Variants in ABL2 observed in about 807,000 individuals in gnomAD.
The protein encoded by ABL2 is tyrosine-protein kinase ABL2.
In ABL2, 49 loss-of-function variants were observed where a neutral mutation model predicts 107.7. That is an observed-to-expected ratio of 0.45 (90% CI 0.36 to 0.58). ABL2 has a LOEUF of 0.58. Ranked by LOEUF, ABL2 falls within the 20% of genes least tolerant of loss-of-function variation. The pLI is 0.00. For missense variants in ABL2, 1,245 were observed against 1,457.0 expected (o/e 0.85, Z 2.37); for synonymous variants, 549 against 548.6 (o/e 1.00, Z -0.01).
chr1:179,210,230 G>A (rs1662188714), intron 1 of ABL2, among the ~76,000 whole-genome samples: 1 of 152,196 alleles, frequency 6.6e-6, no homozygotes, highest in Admixed American at 6.5e-5. Context: ...CACCGGCCAG[G>A]TGCGGTGGCT....
At position 179,117,450 on chromosome 1, in the gene ABL2, T is replaced by A; in HGVS notation, c.1290A>T (p.Leu430Phe). Residue 430 changes from leucine to phenylalanine, a missense_variant, in exon 8 of 12, where the codon TTA becomes TTT. Coordinates refer to ENST00000502732, the MANE Select transcript of ABL2 (RefSeq NM_007314.4). ...NHVVKVADFG[L>F]SRLMTGDTYT... Reference sequence around the variant, plus strand: ...AAGTGTCTCCAGTCATCAATCTACTTAAGCCAAAGTCAGCCACTTTTACCA... The same window carrying A: ...AAGTGTCTCCAGTCATCAATCTACTAAAGCCAAAGTCAGCCACTTTTACCA... 6.2e-7 allele frequency: 1 copy of A among 1,614,192 alleles called. No homozygotes were observed.
In ABL2 at chr1:179,101,916, T is replaced by C. The variant is rs1653121109; in HGVS notation, c.*5802A>G. On this transcript the variant is annotated 3_prime_UTR_variant, in exon 12 of 12. Coordinates refer to ENST00000502732, the MANE Select transcript of ABL2 (RefSeq NM_007314.4). ...AAGTTCAAGTGAACTACAGTTGTGC[T>C]GAACAGAGCAAGTAACAATAACTAT... The C allele has an allele frequency of 5.7e-6, 1 of 176,574 alleles. No homozygotes were observed. Among genetic ancestry groups the C allele is most frequent in the Admixed American group, 6.6e-5 (1 of 15,212 alleles). 10.9% of individuals were successfully genotyped at this position (176,574 alleles called of 1,614,324 possible). A position where few individuals can be genotyped will look rare whatever the true frequency, so the allele number is the denominator to read the frequency against.
intron 1 of ABL2, among the ~76,000 whole-genome samples, chr1:179,149,317 T>G (rs963875034): frequency 6.6e-6 from 1 of 152,160 alleles, no homozygotes; most frequent in Non-Finnish European, 1.5e-5. Flanking sequence ...AGAAGAAAAG[T>G]TTGAAGGTAG....
At chr1:179,112,197 CAG>C (rs908844994) in intron 10 of ABL2, 110 bp downstream of exon 10, 6 of 859,294 alleles carry the variant, frequency 7.0e-6, no homozygotes, top group Non-Finnish European at 1.1e-5. Context: ...AAAGTTGAAA[CAG>C]AGTCTCAAAC....
chr1:179,133,516 A>G, intron 1 of ABL2, 142 bp from the exon 2 acceptor site: 4 of 1,307,130 alleles, frequency 3.1e-6, no homozygotes, highest in Non-Finnish European at 4.3e-6. Context: ...GCCTCTCCCT[A>G]CTCCATACCT....
intron 1 of ABL2, among the ~76,000 whole-genome samples, chr1:179,163,722 G>A (rs1287459314): frequency 6.6e-6 from 1 of 151,974 alleles, no homozygotes; most frequent in Non-Finnish European, 1.5e-5. Flanking sequence ...ACTCCAGTCT[G>A]GATGACAGAG....
At chr1:179,226,555 C>T (rs1663223771) in intron 1 of ABL2, among the ~76,000 whole-genome samples, 1 of 152,064 alleles carries the variant, frequency 6.6e-6, no homozygotes, top group Non-Finnish European at 1.5e-5. Flanking sequence ...GATCTGCCCA[C>T]CTCGGCCTCC....
At chr1:179,193,339 C>A (rs890250221) in intron 1 of ABL2, among the ~76,000 whole-genome samples, 1 of 151,620 alleles carries the variant, frequency 6.6e-6, no homozygotes, top group Non-Finnish European at 1.5e-5. Flanking sequence ...AAATCAGTAA[C>A]TCAAACCAGC....
chr1:179,223,306 C>G (rs1662986428), intron 1 of ABL2, among the ~76,000 whole-genome samples: 1 of 151,452 alleles, frequency 6.6e-6, no homozygotes, highest in Non-Finnish European at 1.5e-5. Flanking sequence ...GTCCCAGCTA[C>G]CCAGAAGGCT....
At chr1:179,167,590 GA>G (rs1659465695) in intron 1 of ABL2, among the ~76,000 whole-genome samples, 1 of 152,142 alleles carries the variant, frequency 6.6e-6, no homozygotes, top group Non-Finnish European at 1.5e-5. Flanking sequence ...CCAACACATA[GA>G]AATGATAAAT....
At position 179,176,702 on chromosome 1, in the gene ABL2, C is replaced by CTTTTTTT. The variant is rs35138436; in HGVS notation, c.158-43335_158-43329dup. 6.6e-4 allele frequency among the ~76,000 whole-genome samples: 71 copies of CTTTTTTT among 107,314 alleles called. 2 individuals carry two copies. Among genetic ancestry groups the CTTTTTTT allele is most frequent in the African/African-American group, 1.5e-3 (42 of 28,516 alleles). The allele number at this position is 107,314 out of a possible 152,430, so 70.4% of individuals were successfully genotyped here. ...TTTGTTTTTAGTGTTGTTACATATT[C>CTTTTTTT]TTTTTTTTTTCCAGACAGATTCTCA... On this transcript the variant is annotated intron_variant, in intron 1 of 11. Coordinates refer to ENST00000502732, the MANE Select transcript of ABL2 (RefSeq NM_007314.4).
chr1:179,205,535 C>T (rs775765935), intron 1 of ABL2, among the ~76,000 whole-genome samples: 37 of 152,328 alleles, frequency 2.4e-4, no homozygotes, highest in African/African-American at 8.4e-4. Context: ...TAACTGCCAG[C>T]TTTCTAGAAC....
rs114973570 is a variant in ABL2 at position 179,145,874 on chromosome 1, T to A, written c.158-12500A>T. ...ATCCAGTGAACAGTTTTAAGCAGGA[T>A]GGCCATATGGTCTGATCTCCATTTT... On this transcript the variant is annotated intron_variant, in intron 1 of 11. Transcript: ENST00000502732. Among the ~76,000 whole-genome samples the A allele has an allele frequency of 5.5e-3, 828 of 149,268 alleles. 9 individuals are homozygous for A. Among genetic ancestry groups the A allele is most frequent in the African/African-American group, 0.019 (784 of 40,736 alleles).
chr1:179,106,389 A>C lies in ABL2; in HGVS notation c.*1329T>G, dbSNP rs1653471776. The stretch of plus-strand genomic sequence containing the variant: ...TACCTGGTGCTCCCTGAAAATGACT[A>C]CTCCTTCAATTATGCATTCTTAAAA... On this transcript the variant is annotated 3_prime_UTR_variant, in exon 12 of 12. Transcript: ENST00000502732. 2 of 231,470 alleles carry C rather than the reference A, an allele frequency of 8.6e-6. No individual in the cohort carries two copies. Among genetic ancestry groups the C allele is most frequent in the African/African-American group, 4.4e-5 (2 of 45,252 alleles). 14.3% of individuals were successfully genotyped at this position (231,470 alleles called of 1,614,324 possible). A position where few individuals can be genotyped will look rare whatever the true frequency, so the allele number is the denominator to read the frequency against.
At chr1:179,117,058 G>A (rs1008416908) in intron 8 of ABL2, 10 of 423,602 alleles carry the variant, frequency 2.4e-5, no homozygotes, top group Admixed American at 1.4e-4. Flanking sequence ...GGCTGGTCTC[G>A]AACTCTTGAC....
rs557247916 is a variant in ABL2, at chr1:179,174,503, G to A, written c.158-41129C>T. ...CACATGCCTGTAACCCCAGCTACTC[G>A]GGAGGCTAATACTTTGAAATATATA... On this transcript the variant is annotated intron_variant, in intron 1 of 11. Transcript: ENST00000502732. Among the ~76,000 whole-genome samples the A allele has an allele frequency of 8.0e-5, 12 of 150,026 alleles. No homozygotes were observed. The East Asian group carries it at 2.3e-3, about 29-fold the overall frequency.
At chr1:179,150,992 G>C (rs1307773360) in intron 1 of ABL2, among the ~76,000 whole-genome samples, 1 of 152,102 alleles carries the variant, frequency 6.6e-6, no homozygotes, top group African/African-American at 2.4e-5. Flanking sequence ...TTTTAGCAAT[G>C]AAGTATTTTT....
chr1:179,207,283 T>C (rs1036919269), intron 1 of ABL2, among the ~76,000 whole-genome samples: 5 of 152,042 alleles, frequency 3.3e-5, no homozygotes, highest in Non-Finnish European at 5.9e-5. Context: ...AAGATTGTGA[T>C]TTACCCAAGT....
chr1:179,216,872 T>A (rs923446256), intron 1 of ABL2, among the ~76,000 whole-genome samples: 5 of 151,624 alleles, frequency 3.3e-5, no homozygotes, highest in African/African-American at 1.2e-4. Flanking sequence ...TTAGTAGAGG[T>A]GGGGTTTCAC....
Sources: gnomAD v4.1 joint callset for allele counts (sites outside exome capture counted in the v4.1 genomes callset) on GRCh38, gnomAD v4.1.1 for gene constraint, MANE v1.5 for transcripts, NCBI Gene and HGNC (gene_info 2026-07-23, HGNC 2026-07-21) for gene names.